Variants in ATP13A2 observed in about 807,000 individuals in gnomAD.
The protein encoded by ATP13A2 is ATPase cation transporting 13A2, also known as polyamine-transporting ATPase 13A2.
ATP13A2 carries 83 observed loss-of-function variants against 138.3 expected under a neutral mutation model. The observed-to-expected ratio is 0.60, with a 90% CI of 0.50 to 0.72. The LOEUF (loss-of-function observed/expected upper bound fraction) is 0.72. ATP13A2 is among the 30% of genes least tolerant of loss of function. ATP13A2 has a pLI of 0.00. For synonymous variants in ATP13A2, 663 were observed against 699.0 expected (o/e 0.95, Z 0.81); for missense variants, 1,402 against 1,606.4 (o/e 0.87, Z 2.17).
rs1443725907 is a variant in ATP13A2 at position 16,986,221 on chromosome 1, C to T, written c.3543G>A (p.Ter1181=). The change falls in exon 29 of 29, where the codon TAG becomes TAA. Residue 1181 remains the stop codon, a stop_retained_variant. Coordinates refer to ENST00000326735, the MANE Select transcript of ATP13A2 (RefSeq NM_022089.4). This position sits in a 1 kb window ranked among gnomAD's most constrained non-coding sequence, Gnocchi z 6.9. ...TGTCTGGGGTGCCCGTGGGCCTGCA[C>T]TACCTCAGGGGGCCGGCGGGCAGCG... ...WPPLPAGPLR[*] 3.7e-6 allele frequency: 6 copies of T among 1,612,426 alleles called. No homozygotes were observed. The African/African-American group carries it at 4.0e-5, about 11-fold the overall frequency.
In ATP13A2 at chr1:16,986,850, C is replaced by T; in HGVS notation, c.3190G>A (p.Ala1064Thr). 1 of 1,613,980 alleles carries T rather than the reference C, an allele frequency of 6.2e-7. No homozygotes were observed. The highest frequency in any genetic ancestry group is 8.5e-7 in the Non-Finnish European group (1 of 1,179,994). The change falls in exon 27 of 29, where the codon GCC becomes ACC. Residue 1064 changes from alanine (A) to threonine (T), a missense_variant. By Grantham distance (58) the Ala-to-Thr change is moderately conservative. Transcript: ENST00000326735. This position sits in a 1 kb window ranked among gnomAD's most constrained non-coding sequence, Gnocchi z 6.9. The stretch of plus-strand genomic sequence containing the variant: ...CGGAAGGGCGCCCCCTTGGACACGG[C>T]TGCAGCCAGGATGAGGTACTGGAAG... ...SSFQYLILAA[A>T]VSKGAPFRRP...
intron 3 of ATP13A2, 77 bp from the exon 4 acceptor site, chr1:17,005,149 C>T: frequency 6.3e-7 from 1 of 1,592,088 alleles, no homozygotes; most frequent in Admixed American, 1.7e-5. Context: ...CCAGGCGGCC[C>T]CTGCTGGAGA....
chr1:17,006,934 A>C (rs979506511), intron 1 of ATP13A2, among the ~76,000 whole-genome samples: 1 of 152,030 alleles, frequency 6.6e-6, no homozygotes, highest in Admixed American at 6.6e-5. Flanking sequence ...TCTGTCGCCC[A>C]GTCTGGAATA....
At chr1:16,997,414 C>T (rs1473162737) in intron 11 of ATP13A2, among the ~76,000 whole-genome samples, 3 of 56,644 alleles carry the variant, frequency 5.3e-5, no homozygotes, top group Admixed American at 3.8e-4. Flanking sequence ...CTGGAACCAG[C>T]GGGGGGGGGT....
At chr1:17,008,850 G>C (rs2077667084) in intron 1 of ATP13A2, among the ~76,000 whole-genome samples, 1 of 151,820 alleles carries the variant, frequency 6.6e-6, no homozygotes, top group South Asian at 2.1e-4. Flanking sequence ...TGTAGTCCCA[G>C]CTACTTGGGA....
chr1:16,995,533 G>A lies in ATP13A2; in HGVS notation c.1542+443C>T. ...GCTGGAGTACAATGGCATGATCTTGGCTCACTGCAACCTCTGCGATTCTCC... is the reference window on the plus strand; with the variant it reads ...GCTGGAGTACAATGGCATGATCTTGACTCACTGCAACCTCTGCGATTCTCC... On this transcript the variant is annotated intron_variant, in intron 15 of 28. Coordinates refer to ENST00000326735, the MANE Select transcript of ATP13A2 (RefSeq NM_022089.4). This position sits in a 1 kb window ranked among gnomAD's most constrained non-coding sequence, Gnocchi z 4.1. The A allele has an allele frequency of 3.2e-6, 1 of 308,926 alleles. No homozygotes were observed. The highest frequency in any genetic ancestry group is 2.8e-5 in the South Asian group (1 of 35,444). 19.1% of individuals were successfully genotyped at this position (308,926 alleles called of 1,614,324 possible).
chr1:16,987,223 A>ACCAGGTCGATGG lies in ATP13A2; in HGVS notation c.2894_2905dup (p.Ala965_Leu968dup). 4 of 1,613,814 alleles carry ACCAGGTCGATGG rather than the reference A, an allele frequency of 2.5e-6. No homozygotes were observed. The highest frequency in any genetic ancestry group is 3.4e-6 in the Non-Finnish European group (4 of 1,179,842). ...GAGCACTGCCACTGTGGTGGTGATG[A>ACCAGGTCGATGG]CCAGGTCGATGGCCAGGAACTGCAG... On this transcript the variant is annotated inframe_insertion, in exon 26 of 29. Transcript: ENST00000326735.
At position 17,004,899 on chromosome 1, in the gene ATP13A2, C is replaced by T; in HGVS notation, c.348-78G>A. ...TCCCTGTGCTCACAGAGCCATCTTC[C>T]CTCCCTAGGATGGGAGGCGCCAGAG... On this transcript the variant is annotated intron_variant, in intron 4 of 28. Coordinates refer to ENST00000326735, the MANE Select transcript of ATP13A2 (RefSeq NM_022089.4). This position sits in a 1 kb window ranked among gnomAD's most constrained non-coding sequence, Gnocchi z 4.1. The T allele has an allele frequency of 6.2e-7, 1 of 1,613,062 alleles. No homozygotes were observed. The highest frequency in any genetic ancestry group is 1.1e-5 in the South Asian group (1 of 91,052).
rs537718060 is a variant in ATP13A2, at chr1:16,986,075, G to A, written c.*146C>T. On this transcript the variant is annotated 3_prime_UTR_variant, in exon 29 of 29. Transcript: ENST00000326735. This position sits in a 1 kb window ranked among gnomAD's most constrained non-coding sequence, Gnocchi z 6.9. ...GGGGACAGTAGTCAACGCTTCCCCA[G>A]GGTGGGGGTGGTCTCGGGGGAGGAG... 147 of 1,530,452 alleles carry A rather than the reference G, an allele frequency of 9.6e-5. No homozygotes were observed. The African/African-American group carries it at 1.9e-3, about 20-fold the overall frequency. 94.8% of individuals were successfully genotyped at this position (1,530,452 alleles called of 1,614,324 possible). A position where few individuals can be genotyped will look rare whatever the true frequency, so the allele number is the denominator to read the frequency against.
chr1:16,989,247 T>C (rs971794522), intron 23 of ATP13A2, among the ~76,000 whole-genome samples: 1 of 152,148 alleles, frequency 6.6e-6, no homozygotes, highest in African/African-American at 2.4e-5. Context: ...AGTCTCGCTC[T>C]GTTGCCCAGG....
intron 8 of ATP13A2, chr1:17,000,899 G>A (rs544139046): frequency 2.5e-5 from 6 of 242,658 alleles, no homozygotes; most frequent in Admixed American, 1.0e-4. Context: ...CTGAGATCGC[G>A]CCACTGCACT....
chr1:17,007,420 G>C (rs2077600189), intron 1 of ATP13A2, among the ~76,000 whole-genome samples: 1 of 152,134 alleles, frequency 6.6e-6, no homozygotes, highest in African/African-American at 2.4e-5. Flanking sequence ...ATGGTGCTAG[G>C]CATCTGTGGT....
Position 17,002,036 on chromosome 1 carries a change from C to A in ATP13A2, c.703G>T (p.Glu235Ter). ...GCAAGACCCAGGGACAGCCCTACCT[C>A]GTCCACCAGCAGCTGGGGGTAGGAC... ...VKSYPQLLVD[E>*]ALNPYYGFQA... Residue 235 changes from glutamate (E) to a stop codon, truncating the protein, a stop_gained and splice_region_variant, in exon 8 of 29, where the codon GAG (glutamate) becomes TAG (stop). Coordinates refer to ENST00000326735, the MANE Select transcript of ATP13A2 (RefSeq NM_022089.4). LOFTEE classifies it high-confidence loss of function. 2.5e-6 allele frequency: 4 copies of A among 1,611,110 alleles called. No individual in the cohort carries two copies. The highest frequency in any genetic ancestry group is 3.4e-6 in the Non-Finnish European group (4 of 1,178,422).
At chr1:16,990,062 G>A (rs2076873352) in intron 21 of ATP13A2, 59 bp from the exon 22 acceptor site, 3 of 1,613,520 alleles carry the variant, frequency 1.9e-6, no homozygotes, top group Admixed American at 3.3e-5. Flanking sequence ...GTTGGGGCCT[G>A]GGTCAGGTGA....
chr1:16,992,940 G>A (rs913727497), intron 16 of ATP13A2, among the ~76,000 whole-genome samples: 4 of 152,202 alleles, frequency 2.6e-5, no homozygotes, highest in African/African-American at 7.2e-5. Context: ...TTTTAAGACA[G>A]AGTCTTACTC....
At chr1:17,006,277 G>GTTT in intron 1 of ATP13A2, among the ~76,000 whole-genome samples, 1 of 145,880 alleles carries the variant, frequency 6.9e-6, no homozygotes. Flanking sequence ...TTGAGACGGA[G>GTTT]TGTCACTCTG....
At position 16,997,187 on chromosome 1, in the gene ATP13A2, C is replaced by A. The variant is rs1462312397; in HGVS notation, c.1040-12G>T. ...TGGAATGCTCTCTCCTGGTGGGGAA[C>A]GTGGTGTGAGGACCACTCCACACCC... On this transcript the variant is annotated splice_polypyrimidine_tract_variant and intron_variant, in intron 11 of 28. Coordinates refer to ENST00000326735, the MANE Select transcript of ATP13A2 (RefSeq NM_022089.4). The A allele has an allele frequency of 1.2e-6, 2 of 1,613,284 alleles. No individual in the cohort carries two copies. Among genetic ancestry groups the A allele is most frequent in the East Asian group, 2.2e-5 (1 of 44,878 alleles).
Position 16,996,456 on chromosome 1 carries a change from C to G in ATP13A2, c.1236G>C (p.Leu412Phe). ...TAKGGLVSSI[L>F]HPRPINFKFY... The stretch of plus-strand genomic sequence containing the variant: ...ACTTGAAGTTGATGGGCCGGGGGTG[C>G]AAGATGGAGCTCACCAGGCCCCCTT... Residue 412 changes from leucine to phenylalanine, a missense_variant, in exon 13 of 29, where the codon TTG becomes TTC. By Grantham distance (22) the Leu-to-Phe change is conservative (BLOSUM62 0). Coordinates refer to ENST00000326735, the MANE Select transcript of ATP13A2 (RefSeq NM_022089.4). The G allele has an allele frequency of 1.2e-6, 2 of 1,614,070 alleles. No homozygotes were observed. Among genetic ancestry groups the G allele is most frequent in the East Asian group, 2.2e-5 (1 of 44,870 alleles).
chr1:16,988,272 G>T (rs143237568), intron 24 of ATP13A2, 38 bp from the exon 25 acceptor site: 1 of 1,614,186 alleles, frequency 6.2e-7, no homozygotes, highest in African/African-American at 1.3e-5. Flanking sequence ...GACCCAGGTT[G>T]GCTGACCAGC....
Sources: allele counts gnomAD v4.1 joint callset (sites outside exome capture counted in the v4.1 genomes callset), GRCh38; gene constraint gnomAD v4.1.1; non-coding constraint Gnocchi (gnomAD v3.1); transcripts MANE v1.5; gene names NCBI Gene and HGNC (gene_info 2026-07-23, HGNC 2026-07-21).